The following PCDHGA5 variants were observed in gnomAD, a reference collection of about 807,000 sequenced individuals.
PCDHGA5 encodes protocadherin gamma-A5.
PCDHGA5 carries 36 observed loss-of-function variants against 56.7 expected under a neutral mutation model. The ratio of observed to expected loss-of-function variants is 0.64; its 90% CI spans 0.49 to 0.84. PCDHGA5 has a LOEUF of 0.84. PCDHGA5 is among the 40% of genes least tolerant of loss of function. The pLI is 0.00. For synonymous variants in PCDHGA5, 563 were observed against 520.2 expected, an observed-to-expected ratio of 1.08 and a Z score of -1.12; for missense variants, 1,305 against 1,201.5, an observed-to-expected ratio of 1.09 and a Z score of -1.27.
At chr5:141,393,115 G>A (rs1342924521) in intron 1 of PCDHGA5, 1 of 1,613,438 alleles carries the variant, frequency 6.2e-7, no homozygotes. Context: ...CAGAGCCCGC[G>A]GTGTCTGATA....
Position 141,491,445 on chromosome 5 carries a change from C to G in PCDHGA5, c.2422-3362C>G. ...GAGGGCAGTGCTGCAGGCGCCAGGACTCACCCTCCCCGGACTTCTATAAGC... is the reference window on the plus strand; with the variant it reads ...GAGGGCAGTGCTGCAGGCGCCAGGAGTCACCCTCCCCGGACTTCTATAAGC... On this transcript the variant is annotated intron_variant, in intron 1 of 3. Coordinates refer to ENST00000518069, the MANE Select transcript of PCDHGA5 (RefSeq NM_018918.3). This position sits in a 1 kb window ranked among gnomAD's most constrained non-coding sequence, Gnocchi z 6.9. 6.2e-7 allele frequency: 1 copy of G among 1,614,112 alleles called. No individual in the cohort carries two copies. Among genetic ancestry groups the G allele is most frequent in the Non-Finnish European group, 8.5e-7 (1 of 1,180,032 alleles).
Position 141,491,401 on chromosome 5 carries a change from G to A in PCDHGA5, c.2422-3406G>A. The A allele has an allele frequency of 6.2e-7, 1 of 1,614,100 alleles. No homozygotes were observed. ...GTCAGCGAAGTGCCTTCAGGGAAAC[G>A]CAGACGGGGACGGGGGTGGAGGGCA... On this transcript the variant is annotated intron_variant, in intron 1 of 3. Transcript: ENST00000518069. This position sits in a 1 kb window ranked among gnomAD's most constrained non-coding sequence, Gnocchi z 6.9.
intron 3 of PCDHGA5, 162 bp downstream of exon 3, chr5:141,505,643 T>C: frequency 1.0e-6 from 1 of 967,852 alleles, no homozygotes. Context: ...AAGCCTGGAA[T>C]TGTGGCTAAG....
intron 1 of PCDHGA5, chr5:141,395,397 A>C: frequency 1.1e-6 from 1 of 895,314 alleles, no homozygotes; most frequent in Non-Finnish European, 1.6e-6. Flanking sequence ...TTGAACTCTA[A>C]TAGTCATAGG....
At position 141,421,932 on chromosome 5, in the gene PCDHGA5, T is replaced by C. The variant is rs747598404; in HGVS notation, c.2421+55181T>C. On this transcript the variant is annotated intron_variant, in intron 1 of 3. Transcript: ENST00000518069. The stretch of plus-strand genomic sequence containing the variant: ...TTCCCATTCGTGTGGTGGTCCTCGA[T>C]GTAAATGATCACATCCCAATGTTTA... 3 of 1,613,588 alleles carry C rather than the reference T, an allele frequency of 1.9e-6. No individual in the cohort carries two copies. The East Asian group carries it at 6.7e-5, about 36-fold the overall frequency.
At chr5:141,415,344 G>A in intron 1 of PCDHGA5, 15 of 1,614,238 alleles carry the variant, frequency 9.3e-6, no homozygotes, top group Non-Finnish European at 1.3e-5. Flanking sequence ...TGCGGCGCTG[G>A]CACAAGTCAC....
At chr5:141,382,732 G>A in intron 1 of PCDHGA5, 1 of 562,814 alleles carries the variant, frequency 1.8e-6, no homozygotes, top group African/African-American at 1.9e-5. Context: ...TTACAGCACA[G>A]AGAAACGACA....
chr5:141,494,782 C>T, intron 1 of PCDHGA5, 25 bp from the exon 2 acceptor site: 1 of 1,614,110 alleles, frequency 6.2e-7, no homozygotes. Context: ...GGTACTCAGC[C>T]CCTTTCCCTC....
At chr5:141,399,231 T>C in intron 1 of PCDHGA5, 1 of 1,613,942 alleles carries the variant, frequency 6.2e-7, no homozygotes, top group Non-Finnish European at 8.5e-7. Flanking sequence ...TCAAAATACA[T>C]GACCAAGATT....
chr5:141,511,412 C>A lies in PCDHGA5; in HGVS notation c.*239C>A. 1.1e-6 allele frequency: 1 copy of A among 892,000 alleles called. No homozygotes were observed. Among genetic ancestry groups the A allele is most frequent in the Non-Finnish European group, 1.6e-6 (1 of 609,476 alleles). The allele number at this position is 892,000 out of a possible 1,614,324, so 55.3% of individuals were successfully genotyped here. On this transcript the variant is annotated 3_prime_UTR_variant, in exon 4 of 4. Coordinates refer to ENST00000518069, the MANE Select transcript of PCDHGA5 (RefSeq NM_018918.3). ...AACCCCCATCCAATCAACTGCTGTA[C>A]CCATGGGGGTAGTGGGGTTACTGTA...
chr5:141,400,645 G>A, intron 1 of PCDHGA5: 1 of 1,239,756 alleles, frequency 8.1e-7, no homozygotes, highest in Non-Finnish European at 1.2e-6. Context: ...TGCTCAGAAA[G>A]CTGTCCTACC....
At chr5:141,387,725 C>A (rs986434485) in intron 1 of PCDHGA5, 2 of 1,183,102 alleles carry the variant, frequency 1.7e-6, no homozygotes, top group Non-Finnish European at 2.3e-6. Context: ...GACTCCCCAG[C>A]GCCAGCCTTT....
chr5:141,415,740 GTTTTTTTTTTTT>G lies in PCDHGA5; in HGVS notation c.2421+49010_2421+49021del, dbSNP rs57426385. ...TGAGTAGAATTTGATGTTTATTAAGGTTTTTTTTTTTTTTTTTTTTTTTTTTTTTTTTACTTT... is the reference window on the plus strand; with the variant it reads ...TGAGTAGAATTTGATGTTTATTAAGGTTTTTTTTTTTTTTTTTTTTACTTT... On this transcript the variant is annotated intron_variant, in intron 1 of 3. Transcript: ENST00000518069. The G allele has an allele frequency of 5.3e-4, 329 of 624,896 alleles. 2 individuals are homozygous for G. Among genetic ancestry groups the G allele is most frequent in the African/African-American group, 1.2e-3 (49 of 39,888 alleles). The allele number at this position is 624,896 out of a possible 1,614,324, so 38.7% of individuals were successfully genotyped here.
At chr5:141,409,396 C>A in intron 1 of PCDHGA5, 1 of 1,614,004 alleles carries the variant, frequency 6.2e-7, no homozygotes, top group Non-Finnish European at 8.5e-7. Flanking sequence ...ATTCTTCTTC[C>A]AATAACTACT....
chr5:141,388,848 G>T (rs766706887), intron 1 of PCDHGA5: 1 of 1,613,942 alleles, frequency 6.2e-7, no homozygotes, highest in East Asian at 2.2e-5. Context: ...AGCAAGGGAC[G>T]GTGGAGGAAT....
intron 1 of PCDHGA5, chr5:141,419,888 G>A: frequency 6.2e-7 from 1 of 1,614,056 alleles, no homozygotes; most frequent in Non-Finnish European, 8.5e-7. Context: ...GGATTTCAGC[G>A]ACCATCCCAC....
rs764735476 is a variant in PCDHGA5 at position 141,365,366 on chromosome 5, G to A, written c.1036G>A (p.Glu346Lys). The change falls in exon 1 of 4, where the codon GAA (glutamate) becomes AAA (lysine). Residue 346 changes from glutamate to lysine, a missense_variant. Coordinates refer to ENST00000518069, the MANE Select transcript of PCDHGA5 (RefSeq NM_018918.3). The stretch of plus-strand genomic sequence containing the variant: ...ACAGGACGTGAATGACAATGCCCCC[G>A]AAGTGATCCTCACCTCTCTGACCAG... ...TVQDVNDNAP[E>K]VILTSLTSSI... 9.3e-6 allele frequency: 15 copies of A among 1,613,910 alleles called. No homozygotes were observed. The highest frequency in any genetic ancestry group is 1.6e-4 in the Middle Eastern group (1 of 6,062).
chr5:141,457,694 C>T (rs891323419), intron 1 of PCDHGA5, among the ~76,000 whole-genome samples: 4 of 152,214 alleles, frequency 2.6e-5, no homozygotes, highest in Non-Finnish European at 5.9e-5. Context: ...TTTGGATTGG[C>T]TTTGATGAAA....
At chr5:141,398,517 G>C (rs754431224) in intron 1 of PCDHGA5, 38 of 1,592,096 alleles carry the variant, frequency 2.4e-5, no homozygotes, top group Non-Finnish European at 3.1e-5. Flanking sequence ...ATGACCACAC[G>C]CCAAAATTCA....
Sources: gnomAD v4.1 joint callset for allele counts (sites outside exome capture counted in the v4.1 genomes callset) on GRCh38, gnomAD v4.1.1 for gene constraint, Gnocchi (gnomAD v3.1) non-coding constraint, MANE v1.5 for transcripts, NCBI Gene and HGNC (gene_info 2026-07-23, HGNC 2026-07-21) for gene names.